Variants in LRRC74B observed in about 807,000 individuals in gnomAD.
LRRC74B encodes leucine rich repeat containing 74B.
LRRC74B carries 30 observed loss-of-function variants against 16.6 expected under a neutral mutation model. The observed-to-expected ratio is 1.80, with a 90% CI of 1.35 to 2.45. The LOEUF (loss-of-function observed/expected upper bound fraction) is 2.45. LRRC74B is among the 30% of genes most tolerant of loss of function. LRRC74B has a pLI of 0.00. For missense variants in LRRC74B, 326 were observed against 202.4 expected (o/e 1.61, Z -3.71); for synonymous variants, 134 against 86.0 (o/e 1.56, Z -3.09).
intron 1 of LRRC74B, 79 bp downstream of exon 1, chr22:21,046,204 G>A: frequency 5.8e-6 from 4 of 692,792 alleles, no homozygotes; most frequent in East Asian, 2.7e-5. Context: ...GCGGGCTGGG[G>A]CTAAGGCCAG....
intron 4 of LRRC74B, among the ~76,000 whole-genome samples, chr22:21,051,117 A>T (rs1308758493): frequency 6.6e-6 from 1 of 151,952 alleles, no homozygotes; most frequent in East Asian, 1.9e-4. Flanking sequence ...GTCCCACTGC[A>T]CTCCGGGTTG....
rs556533567 is a variant in LRRC74B, at chr22:21,055,608, G to T, written c.927+432G>T. Among the ~76,000 whole-genome samples, 25 of 152,262 alleles carry T rather than the reference G, an allele frequency of 1.6e-4. No homozygotes were observed. The East Asian group carries it at 4.8e-3, about 29-fold the overall frequency. On this transcript the variant is annotated intron_variant, in intron 7 of 8. Coordinates refer to ENST00000442047, the Ensembl canonical transcript of LRRC74B. The stretch of plus-strand genomic sequence containing the variant: ...GGGAGGGAGTGCTGAGCAGGACAGG[G>T]AGCAGAAGACAGACACAGGAGGGAG...
intron 8 of LRRC74B, among the ~76,000 whole-genome samples, chr22:21,058,033 G>A (rs1930638107): frequency 6.7e-6 from 1 of 149,896 alleles, no homozygotes; most frequent in South Asian, 2.1e-4. Context: ...TTACAGATGT[G>A]TGCCACCACG....
At chr22:21,047,658 G>C (rs972493995) in intron 2 of LRRC74B, among the ~76,000 whole-genome samples, 160 bp downstream of exon 2, 1 of 152,218 alleles carries the variant, frequency 6.6e-6, no homozygotes, top group Non-Finnish European at 1.5e-5. Flanking sequence ...GATTGAGGCT[G>C]TGACAGGTGG....
At chr22:21,046,226 C>A (rs1248512915) in intron 1 of LRRC74B, 101 bp downstream of exon 1, 2 of 645,936 alleles carry the variant, frequency 3.1e-6, no homozygotes, top group South Asian at 1.7e-5. Flanking sequence ...AGGGAACGTA[C>A]CCGCCTGCGG....
chr22:21,050,488 A>G (rs1811664342), intron 4 of LRRC74B, among the ~76,000 whole-genome samples: 1 of 151,480 alleles, frequency 6.6e-6, no homozygotes, highest in Non-Finnish European at 1.5e-5. Context: ...CAGTGAAATT[A>G]AGTGAGGTGG....
intron 1 of LRRC74B, 40 bp downstream of exon 1, chr22:21,046,165 G>A (rs1368793462): frequency 1.4e-5 from 10 of 713,478 alleles, no homozygotes; most frequent in Non-Finnish European, 2.6e-5. Context: ...CTCCCCTTTG[G>A]GGGTCTTCTC....
At position 21,053,217 on chromosome 22, in the gene LRRC74B, C is replaced by G. The variant is rs186878968; in HGVS notation, c.733-143C>G. On this transcript the variant is annotated intron_variant, in intron 5 of 8. Coordinates refer to ENST00000442047, the Ensembl canonical transcript of LRRC74B. Reference sequence around the variant, plus strand: ...CACCAGGGGGTCTGCATGGCACTTTCCTGACCCTTCCTTGGAGCCTCTCCC... The same window carrying G: ...CACCAGGGGGTCTGCATGGCACTTTGCTGACCCTTCCTTGGAGCCTCTCCC... 16 of 595,666 alleles carry G rather than the reference C, an allele frequency of 2.7e-5. No individual in the cohort carries two copies. In the African/African-American group the frequency reaches 2.8e-4, roughly 10 times the overall value. 36.9% of individuals were successfully genotyped at this position (595,666 alleles called of 1,614,324 possible). A position where few individuals can be genotyped will look rare whatever the true frequency, so the allele number is the denominator to read the frequency against.
chr22:21,053,243 C>T (rs1930210304), intron 5 of LRRC74B, 117 bp from the exon 6 acceptor site: 1 of 620,194 alleles, frequency 1.6e-6, no homozygotes, highest in South Asian at 2.0e-5. Context: ...AGCCTCTCCC[C>T]TTCTGCCCTT....
chr22:21,049,952 A>T (rs1332744220), intron 4 of LRRC74B, among the ~76,000 whole-genome samples: 1 of 152,180 alleles, frequency 6.6e-6, no homozygotes, highest in Non-Finnish European at 1.5e-5. Flanking sequence ...AGGCATGCAG[A>T]TGCTGACCCT....
intron 3 of LRRC74B, chr22:21,048,421 G>A (rs1929672917): frequency 7.2e-6 from 2 of 277,606 alleles, no homozygotes; most frequent in Admixed American, 4.6e-5. Context: ...TGCCACTGAA[G>A]AGCTGGATAC....
At chr22:21,058,520 A>T (rs1205797389) in intron 8 of LRRC74B, among the ~76,000 whole-genome samples, 2 of 152,184 alleles carry the variant, frequency 1.3e-5, no homozygotes, top group East Asian at 1.9e-4. Flanking sequence ...TCTCAAAAAA[A>T]AAGGGAAGGA....
chr22:21,051,127 G>A (rs543634883), intron 4 of LRRC74B, among the ~76,000 whole-genome samples: 145 of 152,178 alleles, frequency 9.5e-4, no homozygotes, highest in Non-Finnish European at 2.2e-4. Context: ...ACTCCGGGTT[G>A]GGCAACAGGG....
At chr22:21,056,609 C>CACACAA (rs1360854243) in intron 7 of LRRC74B, 2 of 156,618 alleles carry the variant, frequency 1.3e-5, no homozygotes, top group African/African-American at 4.9e-5. Context: ...CACACACACA[C>CACACAA]ACACACACAC....
intron 3 of LRRC74B, 156 bp downstream of exon 3, chr22:21,048,172 G>A (rs757353423): frequency 5.3e-5 from 34 of 636,112 alleles, no homozygotes; most frequent in Non-Finnish European, 9.2e-5. Flanking sequence ...ATGTGGGGTG[G>A]AGTTAGACCC....
intron 4 of LRRC74B, among the ~76,000 whole-genome samples, chr22:21,050,023 C>T (rs1317880451): frequency 1.3e-5 from 2 of 152,044 alleles, no homozygotes; most frequent in East Asian, 1.9e-4. Flanking sequence ...ATGGTTGCCC[C>T]AGGAGAATCG....
intron 1 of LRRC74B, among the ~76,000 whole-genome samples, chr22:21,047,143 C>T (rs1325374072): frequency 6.6e-6 from 1 of 151,940 alleles, no homozygotes; most frequent in African/African-American, 2.4e-5. Flanking sequence ...GGTTGTCCAG[C>T]TTTCTTTTGA....
downstream of LRRC74B, chr22:21,061,846 G>A (rs1041614597): frequency 3.3e-5 from 5 of 152,010 alleles, no homozygotes; most frequent in Non-Finnish European, 7.4e-5. Context: ...ATGCAATGTG[G>A]TATATCCATA....
intron 4 of LRRC74B, among the ~76,000 whole-genome samples, chr22:21,049,967 C>G (rs781319065): frequency 5.3e-5 from 8 of 152,204 alleles, no homozygotes; most frequent in Non-Finnish European, 1.5e-5. Flanking sequence ...GACCCTGGAC[C>G]TGCTGAACCA....
Sources: allele counts gnomAD v4.1 joint callset (sites outside exome capture counted in the v4.1 genomes callset), GRCh38; gene constraint gnomAD v4.1.1; transcripts MANE v1.5; gene names NCBI Gene and HGNC (gene_info 2026-07-23, HGNC 2026-07-21).